DESI1: variants seen among roughly 807,000 people sequenced by gnomAD.
DESI1 encodes PPPDE peptidase domain containing 2.
A neutral mutation model predicts 22.4 loss-of-function variants in DESI1; 17 were observed. The observed-to-expected ratio is 0.76, with a 90% confidence interval of 0.52 to 1.14. The LOEUF is 1.14. DESI1 is among the 50% of genes most tolerant of loss of function. DESI1 has a pLI of 0.00. For missense variants in DESI1, 177 were observed against 208.9 expected, an observed-to-expected ratio of 0.85 and a Z score of 0.94; for synonymous variants, 92 against 84.2, an observed-to-expected ratio of 1.09 and a Z score of -0.51.
intron 1 of DESI1, among the ~76,000 whole-genome samples, chr22:41,613,592 C>T (rs5996041): frequency 0.067 from 10,185 of 152,282 alleles, 1,100 homozygotes; most frequent in African/African-American, 0.23. Flanking sequence ...ATGAGCTGTT[C>T]TGTTTAGTTA....
chr22:41,614,736 C>T (rs1356997379), intron 1 of DESI1, among the ~76,000 whole-genome samples: 3 of 151,690 alleles, frequency 2.0e-5, no homozygotes, highest in African/African-American at 7.3e-5. Flanking sequence ...AGGCATGCGC[C>T]ACCGTGCCCA....
chr22:41,606,148 G>A (rs2067478684), intron 3 of DESI1, among the ~76,000 whole-genome samples: 1 of 152,090 alleles, frequency 6.6e-6, no homozygotes, highest in Non-Finnish European at 1.5e-5. Context: ...GATTGCTTGA[G>A]CCCAGGAGTT....
Position 41,603,497 on chromosome 22 carries a change from C to G in DESI1, c.291-116G>C, listed in dbSNP as rs954835101. On this transcript the variant is annotated intron_variant, in intron 4 of 5. Transcript: ENST00000263256. ...AGCTCAATGTGAGGATTGCGATTTCCCCCGTCTCATACACCAGAAAAGCAC... is the reference window on the plus strand; with the variant it reads ...AGCTCAATGTGAGGATTGCGATTTCGCCCGTCTCATACACCAGAAAAGCAC... 14 of 1,493,656 alleles carry G rather than the reference C, an allele frequency of 9.4e-6. No homozygotes were observed. The African/African-American group carries it at 1.9e-4, about 21-fold the overall frequency. 92.5% of individuals were successfully genotyped at this position (1,493,656 alleles called of 1,614,324 possible). A position where few individuals can be genotyped will look rare whatever the true frequency, so the allele number is the denominator to read the frequency against.
Position 41,606,206 on chromosome 22 carries a change from G to A in DESI1, c.180+1056C>T, listed in dbSNP as rs6002416. Among the ~76,000 whole-genome samples the A allele has an allele frequency of 1.2e-3, 184 of 151,968 alleles. 2 individuals are homozygous for A. The highest frequency in any genetic ancestry group is 4.3e-3 in the African/African-American group (177 of 41,462). Reference sequence around the variant, plus strand: ...GGGAGATCCTATCTCTAAAAAAATAGAAAAAAATAGCAGGGCGTGGTGGTG... The same window carrying A: ...GGGAGATCCTATCTCTAAAAAAATAAAAAAAAATAGCAGGGCGTGGTGGTG... On this transcript the variant is annotated intron_variant, in intron 3 of 5. Coordinates refer to ENST00000263256, the MANE Select transcript of DESI1 (RefSeq NM_015704.3).
At chr22:41,610,381 C>CA (rs35989089) in intron 1 of DESI1, among the ~76,000 whole-genome samples, 19,511 of 130,944 alleles carry the variant, frequency 0.15, 1,583 homozygotes, top group East Asian at 0.2. Context: ...GACTCTGTCT[C>CA]AAAAAAAAAA....
At chr22:41,607,237 A>G in intron 3 of DESI1, 25 bp downstream of exon 3, 1 of 1,584,136 alleles carries the variant, frequency 6.3e-7, no homozygotes, top group South Asian at 1.2e-5. Context: ...AGACTGCAGG[A>G]CAGAGTGTAG....
intron 1 of DESI1, among the ~76,000 whole-genome samples, chr22:41,616,022 C>T (rs1006912705): frequency 6.6e-6 from 1 of 152,156 alleles, no homozygotes; most frequent in Non-Finnish European, 1.5e-5. Context: ...GTGGGTGGAT[C>T]GCCTGAGATC....
intron 1 of DESI1, among the ~76,000 whole-genome samples, chr22:41,617,478 A>G (rs1322408890): frequency 1.3e-5 from 2 of 152,242 alleles, no homozygotes; most frequent in Non-Finnish European, 2.9e-5. Flanking sequence ...AAAGGTTCAA[A>G]TGTATTTAGG....
chr22:41,613,316 A>C (rs2067529419), intron 1 of DESI1, among the ~76,000 whole-genome samples: 1 of 152,232 alleles, frequency 6.6e-6, no homozygotes, highest in Non-Finnish European at 1.5e-5. Context: ...TCCAGGATTA[A>C]AAGAGACGAT....
Position 41,620,952 on chromosome 22 carries a change from G to A in DESI1, c.-113C>T, listed in dbSNP as rs2147054718. 1.6e-6 allele frequency: 2 copies of A among 1,222,180 alleles called. No homozygotes were observed. Among genetic ancestry groups the A allele is most frequent in the Non-Finnish European group, 2.3e-6 (2 of 878,172 alleles). The allele number at this position is 1,222,180 out of a possible 1,614,324, so 75.7% of individuals were successfully genotyped here. A position where few individuals can be genotyped will look rare whatever the true frequency, so the allele number is the denominator to read the frequency against. ...GAGGGAGAGGGGGGGACCGAGCCCGGGCCCGGGCTGAGGGGTGGGGGAGAG... is the reference window on the plus strand; with the variant it reads ...GAGGGAGAGGGGGGGACCGAGCCCGAGCCCGGGCTGAGGGGTGGGGGAGAG... On this transcript the variant is annotated 5_prime_UTR_variant, in exon 1 of 6. Transcript: ENST00000263256.
intron 1 of DESI1, among the ~76,000 whole-genome samples, chr22:41,617,308 G>A (rs2067556611): frequency 6.6e-6 from 1 of 152,098 alleles, no homozygotes; most frequent in South Asian, 2.1e-4. Context: ...GAAAATGGAG[G>A]CAATAACAGG....
In DESI1 at chr22:41,617,161, G is replaced by A. The variant is rs1431340332; in HGVS notation, c.88+3591C>T. On this transcript the variant is annotated intron_variant, in intron 1 of 5. Coordinates refer to ENST00000263256, the MANE Select transcript of DESI1 (RefSeq NM_015704.3). ...ATTTTAAAGGAACGTATTACACAGA[G>A]GTGGTATCTCAAAATGACAGAGAAC... Among the ~76,000 whole-genome samples, 4 of 152,184 alleles carry A rather than the reference G, an allele frequency of 2.6e-5. No individual in the cohort carries two copies. In the East Asian group the frequency reaches 7.7e-4, roughly 29 times the overall value.
chr22:41,612,775 G>A (rs115514941), intron 1 of DESI1, among the ~76,000 whole-genome samples: 209 of 80,484 alleles, frequency 2.6e-3, no homozygotes, highest in African/African-American at 9.9e-3. Flanking sequence ...TTTTTTTTTT[G>A]AGACGGCGTC....
intron 1 of DESI1, among the ~76,000 whole-genome samples, chr22:41,617,580 T>C (rs1046450224): frequency 1.3e-5 from 2 of 152,264 alleles, no homozygotes; most frequent in Non-Finnish European, 2.9e-5. Context: ...AGTAAGACCA[T>C]GCCTATTTTC....
chr22:41,607,464 C>T (rs2067489954), intron 2 of DESI1, 133 bp from the exon 3 acceptor site: 2 of 801,962 alleles, frequency 2.5e-6, no homozygotes, highest in Non-Finnish European at 3.9e-6. Context: ...ACCAACAAAC[C>T]AAAGGTATGA....
rs1285386167 is a variant in DESI1, at chr22:41,598,383, A to G, written c.*2714T>C. On this transcript the variant is annotated 3_prime_UTR_variant, in exon 6 of 6. Coordinates refer to ENST00000263256, the MANE Select transcript of DESI1 (RefSeq NM_015704.3). ...AGTTGAAGCCTGAGCCTGAGTTTACAGTTAGTGACAGTGGGGCTCCCATTG... is the reference window on the plus strand; with the variant it reads ...AGTTGAAGCCTGAGCCTGAGTTTACGGTTAGTGACAGTGGGGCTCCCATTG... 1.3e-5 allele frequency: 2 copies of G among 152,246 alleles called. No homozygotes were observed. The highest frequency in any genetic ancestry group is 4.8e-5 in the African/African-American group (2 of 41,452). The allele number at this position is 152,246 out of a possible 1,614,324, so 9.4% of individuals were successfully genotyped here.
intron 5 of DESI1, chr22:41,602,417 TCCTCACCAG>T (rs2067454261): frequency 1.0e-6 from 1 of 985,424 alleles, no homozygotes; most frequent in Admixed American, 6.1e-5. Flanking sequence ...GGACTGGGGC[TCCTCACCAG>T]CCTGCCACAG....
intron 1 of DESI1, among the ~76,000 whole-genome samples, chr22:41,614,243 G>A (rs1477073028): frequency 1.3e-5 from 2 of 151,708 alleles, no homozygotes; most frequent in Non-Finnish European, 2.9e-5. Flanking sequence ...TCTCCATGCT[G>A]GCCAGGCTGG....
chr22:41,618,376 G>T (rs2067562517), intron 1 of DESI1, among the ~76,000 whole-genome samples: 1 of 151,416 alleles, frequency 6.6e-6, no homozygotes. Flanking sequence ...AAAAAAAAAG[G>T]TCTCTCTTGT....
Sources: gnomAD v4.1 joint callset for allele counts (sites outside exome capture counted in the v4.1 genomes callset) on GRCh38, gnomAD v4.1.1 for gene constraint, MANE v1.5 for transcripts, NCBI Gene and HGNC (gene_info 2026-07-23, HGNC 2026-07-21) for gene names.